The following IQCK variants were observed in gnomAD, a reference collection of about 807,000 sequenced individuals.
IQCK encodes the protein IQ domain-containing protein K.
IQCK carries 29 observed loss-of-function variants against 28.1 expected under a neutral mutation model. The ratio of observed to expected loss-of-function variants is 1.03; its 90% CI spans 0.77 to 1.41. IQCK has a LOEUF of 1.41. IQCK is among the 40% of genes most tolerant of loss of function. IQCK has a pLI of 0.00. For synonymous variants in IQCK, 113 were observed against 115.1 expected (o/e 0.98, Z 0.12); for missense variants, 359 against 314.7 (o/e 1.14, Z -1.07).
At chr16:19,856,759 T>G (rs113160872) in exon 10 of IQCK, 16 of 546,448 alleles carry the variant, frequency 2.9e-5, no homozygotes, top group Non-Finnish European at 4.8e-5. Flanking sequence ...TTCTGCATTA[T>G]CCCCACATTT....
intron 6 of IQCK, among the ~76,000 whole-genome samples, chr16:19,775,144 T>C (rs890117906): frequency 1.3e-5 from 2 of 151,504 alleles, no homozygotes; most frequent in Non-Finnish European, 2.9e-5. Context: ...GGAGAATCAC[T>C]TGAACCCGGG....
At chr16:19,856,497 A>C (rs1446461991) in exon 10 of IQCK, 1 of 1,613,702 alleles carries the variant, frequency 6.2e-7, no homozygotes, top group Non-Finnish European at 8.5e-7. Flanking sequence ...TGAAATGCAA[A>C]ATGGAGGACG....
intron 6 of IQCK, among the ~76,000 whole-genome samples, chr16:19,769,711 G>A (rs2055292126): frequency 6.6e-6 from 1 of 152,214 alleles, no homozygotes; most frequent in Non-Finnish European, 1.5e-5. Context: ...CTTTTGAGCA[G>A]AGGTAAAATG....
chr16:19,824,372 G>T (rs192995444), intron 7 of IQCK, among the ~76,000 whole-genome samples: 210 of 152,320 alleles, frequency 1.4e-3, no homozygotes, highest in African/African-American at 4.8e-3. Flanking sequence ...GTGGAGCTCA[G>T]GTGGTAATGT....
chr16:19,800,925 CTCTTT>C (rs573761631), intron 7 of IQCK, among the ~76,000 whole-genome samples: 1 of 114,634 alleles, frequency 8.7e-6, no homozygotes, highest in Non-Finnish European at 1.5e-5. Flanking sequence ...ATGTTTTTTA[CTCTTT>C]TCTTCTTTAG....
intron 6 of IQCK, among the ~76,000 whole-genome samples, chr16:19,778,268 A>G (rs760402331): frequency 3.3e-5 from 5 of 152,136 alleles, no homozygotes; most frequent in Non-Finnish European, 7.3e-5. Flanking sequence ...ATTCCTTGTG[A>G]CTGGCATCTG....
At chr16:19,782,901 C>T (rs1302227072) in intron 6 of IQCK, among the ~76,000 whole-genome samples, 1 of 152,106 alleles carries the variant, frequency 6.6e-6, no homozygotes, top group Non-Finnish European at 1.5e-5. Flanking sequence ...TGTGTATGCG[C>T]ACACATGTGC....
chr16:19,838,007 C>T (rs528449200), intron 9 of IQCK, among the ~76,000 whole-genome samples: 55 of 152,356 alleles, frequency 3.6e-4, no homozygotes, highest in African/African-American at 1.3e-3. Flanking sequence ...TTGTTTTCTG[C>T]TTTGAAAAAT....
Position 19,858,121 on chromosome 16 carries a change from C to T in IQCK, c.*1573C>T, listed in dbSNP as rs190135611. The T allele has an allele frequency of 1.3e-3, 241 of 185,984 alleles. 3 individuals are homozygous for T. Among genetic ancestry groups the T allele is most frequent in the African/African-American group, 4.8e-3 (205 of 43,002 alleles). 11.5% of individuals were successfully genotyped at this position (185,984 alleles called of 1,614,324 possible). On this transcript the variant is annotated 3_prime_UTR_variant, in exon 10 of 10. Transcript: ENST00000320394. ...AATTTTGTCTTTAAACCTTGCTCCACGGGGGGCAGCTGGCTGCTACAGTCT... is the reference window on the plus strand; with the variant it reads ...AATTTTGTCTTTAAACCTTGCTCCATGGGGGGCAGCTGGCTGCTACAGTCT...
At chr16:19,720,795 T>C (rs1297003834) in intron 1 of IQCK, among the ~76,000 whole-genome samples, 1 of 152,154 alleles carries the variant, frequency 6.6e-6, no homozygotes, top group Non-Finnish European at 1.5e-5. Flanking sequence ...GGCGGGTGGA[T>C]CACCTGCGGT....
chr16:19,723,142 C>G (rs1977549656), intron 1 of IQCK, among the ~76,000 whole-genome samples: 1 of 150,018 alleles, frequency 6.7e-6, no homozygotes. Flanking sequence ...TGTCTGCTGC[C>G]TTAGATCAGG....
chr16:19,730,556 C>T lies in IQCK; in HGVS notation c.246+62C>T, dbSNP rs930127562. ...TCTTAAATGAGAATAGCATTGATGG[C>T]CTGTGAATGTCACACAGTGTCACTG... On this transcript the variant is annotated intron_variant, in intron 2 of 7. Coordinates refer to ENST00000564186, the Ensembl canonical transcript of IQCK. 7 of 1,281,414 alleles carry T rather than the reference C, an allele frequency of 5.5e-6. No individual in the cohort carries two copies. In the African/African-American group the frequency reaches 7.5e-5, roughly 14 times the overall value. 79.4% of individuals were successfully genotyped at this position (1,281,414 alleles called of 1,614,324 possible). A position where few individuals can be genotyped will look rare whatever the true frequency, so the allele number is the denominator to read the frequency against.
At chr16:19,719,877 T>G (rs1199529727) in intron 1 of IQCK, among the ~76,000 whole-genome samples, 1 of 151,842 alleles carries the variant, frequency 6.6e-6, no homozygotes, top group African/African-American at 2.4e-5. Context: ...TTCACCATTT[T>G]GGCCAGGCTG....
intron 2 of IQCK, among the ~76,000 whole-genome samples, chr16:19,730,775 C>T (rs1478381096): frequency 6.6e-6 from 1 of 152,058 alleles, no homozygotes; most frequent in Non-Finnish European, 1.5e-5. Context: ...ATCTATCTAT[C>T]TACCTAATCT....
chr16:19,835,195 G>A (rs372941997), intron 9 of IQCK, among the ~76,000 whole-genome samples: 2 of 151,968 alleles, frequency 1.3e-5, no homozygotes, highest in African/African-American at 2.4e-5. Flanking sequence ...TGAACCAGGA[G>A]GTGGAGGTTG....
chr16:19,852,431 AAACAG>A (rs1045316616), intron 9 of IQCK, among the ~76,000 whole-genome samples: 6 of 147,956 alleles, frequency 4.1e-5, no homozygotes, highest in Non-Finnish European at 6.0e-5. Context: ...ACAAACAAAC[AAACAG>A]AACACTGTCA....
chr16:19,749,199 C>T (rs2054953162), intron 4 of IQCK, among the ~76,000 whole-genome samples: 1 of 152,106 alleles, frequency 6.6e-6, no homozygotes, highest in South Asian at 2.1e-4. Flanking sequence ...CGAAACAGAG[C>T]TTTCTTAAAA....
At chr16:19,803,148 T>G (rs55989638) in intron 7 of IQCK, among the ~76,000 whole-genome samples, 2,592 of 152,220 alleles carry the variant, frequency 0.017, 31 homozygotes, top group Non-Finnish European at 0.028. Context: ...GTTTGTTTGT[T>G]TTTTTGTTTT....
intron 1 of IQCK, among the ~76,000 whole-genome samples, chr16:19,727,820 T>C (rs954009317): frequency 2.6e-5 from 4 of 152,052 alleles, no homozygotes; most frequent in African/African-American, 9.7e-5. Flanking sequence ...CCAAGGCAGC[T>C]GGGGAAGAAG....
Sources: gnomAD v4.1 joint callset for allele counts (sites outside exome capture counted in the v4.1 genomes callset) on GRCh38, gnomAD v4.1.1 for gene constraint, MANE v1.5 for transcripts, NCBI Gene and HGNC (gene_info 2026-07-23, HGNC 2026-07-21) for gene names.